The following EPHA1 variants were observed in gnomAD, a reference collection of about 807,000 sequenced individuals.
EPHA1 encodes the protein EPH receptor A1.
A neutral mutation model predicts 110.1 loss-of-function variants in EPHA1; 92 were observed. The ratio of observed to expected loss-of-function variants is 0.84; its 90% CI spans 0.71 to 0.99. EPHA1 has a LOEUF of 0.99. Among genes scored for constraint, EPHA1 ranks in the 50% least tolerant of loss-of-function variants. The pLI, the probability that EPHA1 is intolerant of heterozygous loss-of-function variation, is 0.00. For missense variants in EPHA1, 1,204 were observed against 1,285.4 expected, an observed-to-expected ratio of 0.94 and a Z score of 0.97; for synonymous variants, 500 against 516.1, an observed-to-expected ratio of 0.97 and a Z score of 0.42.
intron 5 of EPHA1, 72 bp from the exon 6 acceptor site, chr7:143,399,017 C>T (rs1805342688): frequency 7.2e-7 from 1 of 1,397,562 alleles, no homozygotes; most frequent in Non-Finnish European, 9.7e-7. Flanking sequence ...CCGGCCTCCA[C>T]CACCACCCAA....
chr7:143,396,469 A>G lies in EPHA1; in HGVS notation c.1813T>C (p.Tyr605His), dbSNP rs1378490342. The change falls in exon 11 of 18, where the codon TAC becomes CAC. Residue 605 changes from tyrosine to histidine, a missense_variant. Tyr to His is a moderately conservative substitution (Grantham distance 83). Transcript: ENST00000275815. ...AGGGCTCCCTGTGCAGGGTCCTCGTATGCCTGGAGGTCCACATAAGGCTTC... is the reference window on the plus strand; with the variant it reads ...AGGGCTCCCTGTGCAGGGTCCTCGTGTGCCTGGAGGTCCACATAAGGCTTC... ...WLKPYVDLQA[Y>H]EDPAQGALDF... 9 of 1,613,878 alleles carry G rather than the reference A, an allele frequency of 5.6e-6. No homozygotes were observed. The highest frequency in any genetic ancestry group is 7.6e-6 in the Non-Finnish European group (9 of 1,179,960).
rs1388224522 is a variant in EPHA1, at chr7:143,394,201, T to C, written c.2495A>G (p.Asn832Ser). ...FGDKPYGEMS[N>S]QEVMKSIEDG... Reference sequence around the variant, plus strand: ...AGAATATTCTGGGCTCACCTCCTGATTGCTCATCTCCCCATAAGGCTTGTC... The same window carrying C: ...AGAATATTCTGGGCTCACCTCCTGACTGCTCATCTCCCCATAAGGCTTGTC... The change falls in exon 15 of 18, where the codon AAT becomes AGT. Residue 832 changes from asparagine (N) to serine (S), a missense_variant. Coordinates refer to ENST00000275815, the MANE Select transcript of EPHA1 (RefSeq NM_005232.5). The C allele has an allele frequency of 1.2e-6, 2 of 1,612,708 alleles. No individual in the cohort carries two copies. Among genetic ancestry groups the C allele is most frequent in the Non-Finnish European group, 1.7e-6 (2 of 1,179,100 alleles).
intron 1 of EPHA1, 45 bp downstream of exon 1, chr7:143,408,679 G>C (rs1805627226): frequency 1.8e-5 from 8 of 445,512 alleles, no homozygotes; most frequent in Middle Eastern, 6.1e-4. Flanking sequence ...GCCCCGGGAA[G>C]GGGCGGGGCG....
intron 11 of EPHA1, 52 bp downstream of exon 11, chr7:143,396,333 C>T: frequency 6.3e-7 from 1 of 1,588,810 alleles, no homozygotes. Context: ...GCTGGTGGCT[C>T]TGTGCTGCCC....
chr7:143,395,469 G>T lies in EPHA1; in HGVS notation c.1933C>A (p.Leu645Ile), dbSNP rs772261312. Residue 645 changes from leucine to isoleucine, a missense_variant, in exon 12 of 18, where the codon CTC becomes ATC. Leu to Ile is a conservative substitution (Grantham distance 5, BLOSUM62 2). Coordinates refer to ENST00000275815, the MANE Select transcript of EPHA1 (RefSeq NM_005232.5). This position sits in a 1 kb window ranked among gnomAD's most constrained non-coding sequence, Gnocchi z 4.7. Reference sequence around the variant, plus strand: ...ACAGTCTTGCAGTCCTGGCTGGGGAGCCTCAGGGTCCCTCGATACACTTCC... The same window carrying T: ...ACAGTCTTGCAGTCCTGGCTGGGGATCCTCAGGGTCCCTCGATACACTTCC... The part of the protein sequence containing the change: ...FGEVYRGTLR[L>I]PSQDCKTVAI... 30 of 1,614,084 alleles carry T rather than the reference G, an allele frequency of 1.9e-5. 2 individuals are homozygous for T. In the South Asian group the frequency reaches 2.0e-4, roughly 11 times the overall value.
chr7:143,408,336 G>A (rs1792259963), intron 1 of EPHA1, among the ~76,000 whole-genome samples: 1 of 152,160 alleles, frequency 6.6e-6, no homozygotes, highest in Non-Finnish European at 1.5e-5. Flanking sequence ...GCCTAGGTTG[G>A]CAGGAGGCGA....
Position 143,396,526 on chromosome 7 carries a change from G to T in EPHA1, c.1772-16C>A. 6.2e-7 allele frequency: 1 copy of T among 1,613,010 alleles called. No individual in the cohort carries two copies. Among genetic ancestry groups the T allele is most frequent in the South Asian group, 1.1e-5 (1 of 91,036 alleles). On this transcript the variant is annotated splice_polypyrimidine_tract_variant and intron_variant, in intron 10 of 17. Coordinates refer to ENST00000275815, the MANE Select transcript of EPHA1 (RefSeq NM_005232.5). ...AGCTTGTCCTCTATGGGCAGAACAT[G>T]AGGTTGGGGAGTACCAACATCAGGG...
At position 143,395,464 on chromosome 7, in the gene EPHA1, G is replaced by A. The variant is rs779228582; in HGVS notation, c.1938C>T (p.Pro646=). The change falls in exon 12 of 18, where the codon CCC becomes CCT. Residue 646 remains proline, a synonymous_variant. Coordinates refer to ENST00000275815, the MANE Select transcript of EPHA1 (RefSeq NM_005232.5). This position sits in a 1 kb window ranked among gnomAD's most constrained non-coding sequence, Gnocchi z 4.7. ...GEVYRGTLRL[P]SQDCKTVAIK... is the part of the protein sequence containing the mutation. ...TGGCCACAGTCTTGCAGTCCTGGCT[G>A]GGGAGCCTCAGGGTCCCTCGATACA... The A allele has an allele frequency of 2.5e-6, 4 of 1,614,172 alleles. No individual in the cohort carries two copies. The South Asian group carries it at 3.3e-5, about 13-fold the overall frequency.
At chr7:143,392,231 C>T (rs546003191) in intron 16 of EPHA1, among the ~76,000 whole-genome samples, 4 of 152,294 alleles carry the variant, frequency 2.6e-5, no homozygotes, top group South Asian at 4.1e-4. Context: ...CCTTCAGCTT[C>T]GGCTGTTATT....
rs199888663 is a variant in EPHA1 at position 143,398,683 on chromosome 7, A to G, written c.1254T>C (p.Asn418=). ...CTGACACTCCATTTTGGGCTTCCAC[A>G]TTAAAGGTGTAGTTGGCATAAGGTT... The part of the protein sequence containing the change: ...GLEPYANYTF[N]VEAQNGVSGL... The change falls in exon 6 of 18, where the codon AAT becomes AAC. Residue 418 remains asparagine, a synonymous_variant. Coordinates refer to ENST00000275815, the MANE Select transcript of EPHA1 (RefSeq NM_005232.5). 4 of 1,613,912 alleles carry G rather than the reference A, an allele frequency of 2.5e-6. No individual in the cohort carries two copies. Among genetic ancestry groups the G allele is most frequent in the Middle Eastern group, 1.6e-4 (1 of 6,084 alleles).
intron 2 of EPHA1, among the ~76,000 whole-genome samples, chr7:143,406,998 C>T (rs1257023935): frequency 6.6e-6 from 1 of 152,160 alleles, no homozygotes; most frequent in Non-Finnish European, 1.5e-5. Context: ...GGTGTGCACG[C>T]AGTCAGCCTG....
intron 11 of EPHA1, among the ~76,000 whole-genome samples, chr7:143,396,035 G>A (rs1378131088): frequency 2.0e-5 from 3 of 152,212 alleles, no homozygotes; most frequent in Non-Finnish European, 1.5e-5. Flanking sequence ...GCTAGGGAGG[G>A]AATGAGTCCT....
At chr7:143,391,598 C>T (rs369374488) in intron 17 of EPHA1, 22 bp downstream of exon 17, 151 of 1,614,026 alleles carry the variant, frequency 9.4e-5, no homozygotes, top group Non-Finnish European at 1.2e-4. Context: ...CCTCCCCTGC[C>T]CAGACAGCTC....
chr7:143,397,780 T>C (rs2116622617), intron 8 of EPHA1, 123 bp from the exon 9 acceptor site: 1 of 1,521,270 alleles, frequency 6.6e-7, no homozygotes, highest in Middle Eastern at 1.7e-4. Context: ...GGTCGGTGTC[T>C]GTCCCCTACC....
Position 143,401,624 on chromosome 7 carries a change from A to G in EPHA1, c.151-19T>C. The G allele has an allele frequency of 2.5e-6, 4 of 1,603,688 alleles. No homozygotes were observed. Among genetic ancestry groups the G allele is most frequent in the Non-Finnish European group, 3.4e-6 (4 of 1,171,858 alleles). On this transcript the variant is annotated intron_variant, in intron 2 of 17. Coordinates refer to ENST00000275815, the MANE Select transcript of EPHA1 (RefSeq NM_005232.5). This position sits in a 1 kb window ranked among gnomAD's most constrained non-coding sequence, Gnocchi z 4.1. ...CACTCCACTGCAAGGAGGAAATCAG[A>G]GTCAGGGACCAGATCATCCCCTGCT...
In EPHA1 at chr7:143,396,555, A is replaced by G. The variant is rs201033226; in HGVS notation, c.1772-45T>C. 2.0e-3 allele frequency: 3,277 copies of G among 1,604,652 alleles called. 14 individuals are homozygous for G. The highest frequency in any genetic ancestry group is 4.2e-3 in the Middle Eastern group (25 of 5,982). On this transcript the variant is annotated intron_variant, in intron 10 of 17. Coordinates refer to ENST00000275815, the MANE Select transcript of EPHA1 (RefSeq NM_005232.5). Reference sequence around the variant, plus strand: ...TTGGGGAGTACCAACATCAGGGCTCAGGAGTATGGGGGTCAGGAGAAGGGC... The same window carrying G: ...TTGGGGAGTACCAACATCAGGGCTCGGGAGTATGGGGGTCAGGAGAAGGGC...
At chr7:143,396,784 C>G (rs1805264259) in intron 10 of EPHA1, 1 of 398,322 alleles carries the variant, frequency 2.5e-6, no homozygotes, top group South Asian at 3.0e-5. Flanking sequence ...CTGAGTTGCC[C>G]AATCTTCTCA....
chr7:143,402,794 A>T (rs1378808653), intron 2 of EPHA1, among the ~76,000 whole-genome samples: 1 of 152,008 alleles, frequency 6.6e-6, no homozygotes, highest in African/African-American at 2.4e-5. Context: ...TGAGCCAGAC[A>T]CTCCAGGTTC....
At position 143,398,458 on chromosome 7, in the gene EPHA1, C is replaced by A; in HGVS notation, c.1337-10G>T. On this transcript the variant is annotated splice_polypyrimidine_tract_variant and intron_variant, in intron 6 of 17. Coordinates refer to ENST00000275815, the MANE Select transcript of EPHA1 (RefSeq NM_005232.5). The stretch of plus-strand genomic sequence containing the variant: ...AGGCCTGACAGTGACTCTGGGGGTC[C>A]AGAGGGATAAGGTTGGATATGTAAG... 6.2e-7 allele frequency: 1 copy of A among 1,614,070 alleles called. No individual in the cohort carries two copies. Among genetic ancestry groups the A allele is most frequent in the African/African-American group, 1.3e-5 (1 of 75,028 alleles).
Sources: gnomAD v4.1 joint callset for allele counts (sites outside exome capture counted in the v4.1 genomes callset) on GRCh38, gnomAD v4.1.1 for gene constraint, Gnocchi (gnomAD v3.1) non-coding constraint, MANE v1.5 for transcripts, NCBI Gene and HGNC (gene_info 2026-07-23, HGNC 2026-07-21) for gene names.